Variants in ORC4 observed in about 807,000 individuals in gnomAD.
ORC4 encodes the protein origin recognition complex subunit 4, also known as origin recognition complex, subunit 4 homolog.
Under a neutral mutation model 63.9 loss-of-function variants are expected in ORC4, and 55 were observed. The ratio of observed to expected loss-of-function variants is 0.86; its 90% CI spans 0.69 to 1.08. The LOEUF (loss-of-function observed/expected upper bound fraction) is 1.08, where lower values mean the gene tolerates loss of function less well. Ranked by LOEUF, ORC4 falls within the 50% of genes least tolerant of loss-of-function variation. The probability of loss-of-function intolerance (pLI) is 0.00; values close to 1 mark genes in which losing one functional copy is unlikely to be tolerated. For synonymous variants in ORC4, 150 were observed against 168.5 expected, an observed-to-expected ratio of 0.89 and a Z score of 0.85; for missense variants, 511 against 504.4, an observed-to-expected ratio of 1.01 and a Z score of -0.13.
intron 4 of ORC4, among the ~76,000 whole-genome samples, chr2:147,967,488 T>C (rs558778666): frequency 6.6e-6 from 1 of 151,472 alleles, no homozygotes; most frequent in East Asian, 1.9e-4. Flanking sequence ...TGTTTGTATA[T>C]ACTAACAACA....
intron 1 of ORC4, among the ~76,000 whole-genome samples, chr2:148,004,457 C>G (rs1692501852): frequency 1.3e-5 from 2 of 152,010 alleles, no homozygotes; most frequent in Admixed American, 6.6e-5. Context: ...GAAATAACAC[C>G]ATACATCAAC....
Position 147,935,233 on chromosome 2 carries a change from A to G in ORC4, c.*277T>C. ...GAGCTCTTCAAATAGACCATTATAT[A>G]TATAAGTGTTAAAAAAGCACATGGT... On this transcript the variant is annotated 3_prime_UTR_variant, in exon 14 of 14. Coordinates refer to ENST00000392857, the MANE Select transcript of ORC4 (RefSeq NM_181741.4). 2.3e-6 allele frequency: 1 copy of G among 432,804 alleles called. No individual in the cohort carries two copies. Among genetic ancestry groups the G allele is most frequent in the Non-Finnish European group, 4.3e-6 (1 of 233,616 alleles). 26.8% of individuals were successfully genotyped at this position (432,804 alleles called of 1,614,324 possible). A position where few individuals can be genotyped will look rare whatever the true frequency, so the allele number is the denominator to read the frequency against.
At chr2:147,957,197 C>A (rs1689307213) in intron 6 of ORC4, among the ~76,000 whole-genome samples, 1 of 144,638 alleles carries the variant, frequency 6.9e-6, no homozygotes, top group South Asian at 2.2e-4. Context: ...ATAGATATAA[C>A]CTATTATAGA....
At chr2:147,957,772 T>C (rs1332745771) in intron 6 of ORC4, among the ~76,000 whole-genome samples, 1 of 152,146 alleles carries the variant, frequency 6.6e-6, no homozygotes, top group Non-Finnish European at 1.5e-5. Flanking sequence ...CTGTGAAGTA[T>C]GGATAATAAA....
chr2:147,980,192 C>A (rs1442120609), intron 1 of ORC4, among the ~76,000 whole-genome samples: 1 of 151,860 alleles, frequency 6.6e-6, no homozygotes, highest in Non-Finnish European at 1.5e-5. Context: ...TCAGCAGATT[C>A]AACCAACTTA....
At chr2:147,986,776 GAC>G (rs1048997022) in intron 1 of ORC4, among the ~76,000 whole-genome samples, 6 of 101,300 alleles carry the variant, frequency 5.9e-5, no homozygotes, top group African/African-American at 2.8e-4. Context: ...ATTTTATACA[GAC>G]ACACACACAC....
At chr2:148,021,532 G>A (rs1204195595), upstream of ORC4, 1 of 564,116 alleles carries the variant, frequency 1.8e-6, no homozygotes, top group South Asian at 1.5e-5. Flanking sequence ...GCTTGGCCCT[G>A]GCTGGAGACA....
intron 1 of ORC4, among the ~76,000 whole-genome samples, chr2:147,996,255 G>A (rs2105418461): frequency 6.6e-6 from 1 of 152,240 alleles, no homozygotes; most frequent in South Asian, 2.1e-4. Context: ...AGTGAGCCAA[G>A]ATTGTGCCAC....
intron 1 of ORC4, among the ~76,000 whole-genome samples, chr2:148,018,504 C>T (rs1693454947): frequency 1.3e-5 from 2 of 152,116 alleles, no homozygotes; most frequent in African/African-American, 2.4e-5. Context: ...CTACTAAAAA[C>T]GGAACACAAT....
intron 1 of ORC4, among the ~76,000 whole-genome samples, chr2:147,979,701 C>T (rs1247949247): frequency 6.6e-6 from 1 of 151,902 alleles, no homozygotes; most frequent in Non-Finnish European, 1.5e-5. Context: ...TAAGATAATT[C>T]AAAACAACAT....
chr2:147,965,254 A>T (rs921421590), intron 4 of ORC4, among the ~76,000 whole-genome samples: 2 of 152,144 alleles, frequency 1.3e-5, no homozygotes, highest in African/African-American at 4.8e-5. Context: ...CAACCAGAAA[A>T]CAATCACTAA....
intron 1 of ORC4, among the ~76,000 whole-genome samples, chr2:148,010,036 T>A (rs761978055): frequency 6.6e-6 from 1 of 151,960 alleles, no homozygotes. Flanking sequence ...AAAGTAGAAA[T>A]AAATAACAAG....
rs1187147040 is a variant in ORC4 at position 147,938,087 on chromosome 2, C to A, written c.1122+59G>T. The A allele has an allele frequency of 1.1e-5, 12 of 1,134,404 alleles. 1 individual carries two copies. The highest frequency in any genetic ancestry group is 7.7e-5 in the African/African-American group (5 of 65,078). The allele number at this position is 1,134,404 out of a possible 1,614,324, so 70.3% of individuals were successfully genotyped here. A position where few individuals can be genotyped will look rare whatever the true frequency, so the allele number is the denominator to read the frequency against. ...TGAAAGTGCAATTTTAATACATAAT[C>A]AAATTGGATGTAAAAAATATACTTG... On this transcript the variant is annotated intron_variant, in intron 13 of 13. Transcript: ENST00000392857.
chr2:148,002,766 G>A (rs1053139848), intron 1 of ORC4, among the ~76,000 whole-genome samples: 2 of 152,036 alleles, frequency 1.3e-5, no homozygotes, highest in African/African-American at 2.4e-5. Flanking sequence ...TAAGACCAGA[G>A]CAGAACTGAA....
At chr2:147,971,249 A>T (rs1323514444) in intron 4 of ORC4, among the ~76,000 whole-genome samples, 2 of 152,002 alleles carry the variant, frequency 1.3e-5, no homozygotes, top group Non-Finnish European at 2.9e-5. Context: ...TAAATAAATG[A>T]AATCTTCTGC....
chr2:148,020,851 G>A (rs1693670572), upstream of ORC4: 1 of 151,578 alleles, frequency 6.6e-6, no homozygotes, highest in African/African-American at 2.4e-5. Flanking sequence ...CTTTCCCTTA[G>A]GAAGGAGGAG....
At chr2:147,995,956 C>T (rs1573871474) in intron 1 of ORC4, among the ~76,000 whole-genome samples, 3 of 151,394 alleles carry the variant, frequency 2.0e-5, no homozygotes, top group Admixed American at 6.6e-5. Context: ...GCCGAGATCA[C>T]GCCATTGCAC....
At chr2:148,008,201 A>G (rs1457505299) in intron 1 of ORC4, among the ~76,000 whole-genome samples, 1 of 152,208 alleles carries the variant, frequency 6.6e-6, no homozygotes, top group Non-Finnish European at 1.5e-5. Context: ...GCAACAAGAA[A>G]TCATCTGAAG....
At chr2:147,954,200 G>A (rs1689121851) in intron 7 of ORC4, among the ~76,000 whole-genome samples, 1 of 152,018 alleles carries the variant, frequency 6.6e-6, no homozygotes, top group Non-Finnish European at 1.5e-5. Context: ...CTTAAGGGAA[G>A]AGAAAAATAA....
Sources: allele counts gnomAD v4.1 joint callset (sites outside exome capture counted in the v4.1 genomes callset), GRCh38; gene constraint gnomAD v4.1.1; transcripts MANE v1.5; gene names NCBI Gene and HGNC (gene_info 2026-07-23, HGNC 2026-07-21).